The following DYNC2LI1 variants were observed in gnomAD, a reference collection of about 807,000 sequenced individuals.
DYNC2LI1 encodes dynein cytoplasmic 2 light intermediate chain 1.
A neutral mutation model predicts 51.9 loss-of-function variants in DYNC2LI1; 45 were observed. The observed-to-expected ratio is 0.87, with a 90% confidence interval of 0.68 to 1.11. The LOEUF (loss-of-function observed/expected upper bound fraction) is 1.11, where lower values mean the gene tolerates loss of function less well. DYNC2LI1 is among the 50% of genes most tolerant of loss of function. DYNC2LI1 has a pLI of 0.00. For missense variants in DYNC2LI1, 490 were observed against 417.4 expected (o/e 1.17, Z -1.51); for synonymous variants, 130 against 137.8 (o/e 0.94, Z 0.40).
Position 43,796,802 on chromosome 2 carries a change from A to G in DYNC2LI1, c.654+7A>G, listed in dbSNP as rs745553428. On this transcript the variant is annotated splice_region_variant and intron_variant, in intron 8 of 12. Coordinates refer to ENST00000260605, the MANE Select transcript of DYNC2LI1 (RefSeq NM_016008.4). ...TTATGGAGCATCATTAATGGTTTGT[A>G]CATTTCTTGTCCTTTGGGCTTGAAT... The G allele has an allele frequency of 1.9e-6, 3 of 1,612,128 alleles. No individual in the cohort carries two copies. The highest frequency in any genetic ancestry group is 1.7e-4 in the Middle Eastern group (1 of 6,060).
intron 5 of DYNC2LI1, chr2:43,793,998 C>T (rs1406617120): frequency 6.4e-6 from 1 of 155,078 alleles, no homozygotes; most frequent in East Asian, 1.9e-4. Flanking sequence ...ATAACATCTT[C>T]TGGAGAGGGT....
At chr2:43,807,349 T>C (rs915716440) in intron 12 of DYNC2LI1, among the ~76,000 whole-genome samples, 14 of 152,106 alleles carry the variant, frequency 9.2e-5, no homozygotes, top group African/African-American at 3.4e-4. Context: ...GTATTTTCTG[T>C]TTTTTAAAAG....
chr2:43,827,325 CA>C, the DYNC2LI1 span, among the ~76,000 whole-genome samples: 2,558 of 112,176 alleles, frequency 0.023, 75 homozygotes, highest in African/African-American at 0.072. Context: ...AACTCTGTCT[CA>C]AAAAAAAAAA....
intron 8 of DYNC2LI1, among the ~76,000 whole-genome samples, chr2:43,799,204 G>C (rs897360881): frequency 2.0e-5 from 3 of 152,132 alleles, no homozygotes; most frequent in Non-Finnish European, 2.9e-5. Context: ...AGGAGGCTGA[G>C]GCAGGGACGA....
the DYNC2LI1 span, among the ~76,000 whole-genome samples, chr2:43,819,699 T>A: frequency 6.6e-6 from 1 of 152,250 alleles, no homozygotes; most frequent in Non-Finnish European, 1.5e-5. Flanking sequence ...CATAAACTTG[T>A]TAGTTCCTGA....
At chr2:43,780,557 C>T (rs1038598536) in intron 2 of DYNC2LI1, among the ~76,000 whole-genome samples, 15 of 152,114 alleles carry the variant, frequency 9.9e-5, no homozygotes, top group African/African-American at 3.6e-4. Context: ...TAAATAGCTT[C>T]GTTTAACAAG....
chr2:43,781,466 C>T (rs577654539), intron 2 of DYNC2LI1, among the ~76,000 whole-genome samples: 1 of 151,874 alleles, frequency 6.6e-6, no homozygotes, highest in African/African-American at 2.4e-5. Flanking sequence ...ATTTAAAATT[C>T]CTTCCAATTC....
chr2:43,826,601 T>C, the DYNC2LI1 span: 2 of 1,599,196 alleles, frequency 1.3e-6, no homozygotes, highest in Non-Finnish European at 1.7e-6. Context: ...TCTGAACTGT[T>C]CCTTATTGAG....
chr2:43,810,323 AT>A, downstream of DYNC2LI1: 1 of 980,774 alleles, frequency 1.0e-6, no homozygotes, highest in Non-Finnish European at 1.2e-6. Flanking sequence ...ATCAGCACCA[AT>A]TTCACCCTGC....
At chr2:43,775,682 T>C in intron 1 of DYNC2LI1, 1 of 398,516 alleles carries the variant, frequency 2.5e-6, no homozygotes. Flanking sequence ...TCTTTTTCTT[T>C]TTTTATTTTC....
At chr2:43,786,853 A>C (rs1429266573) in intron 3 of DYNC2LI1, among the ~76,000 whole-genome samples, 3 of 151,968 alleles carry the variant, frequency 2.0e-5, no homozygotes, top group Admixed American at 6.6e-5. Flanking sequence ...ACAAAAAAAA[A>C]CACCCAGTGT....
downstream of DYNC2LI1, chr2:43,812,748 C>T: frequency 9.7e-6 from 2 of 205,566 alleles, no homozygotes; most frequent in South Asian, 8.9e-5. Context: ...TTTATTTTTG[C>T]CTAATCCTTT....
intron 12 of DYNC2LI1, 153 bp downstream of exon 12, chr2:43,805,399 C>T: frequency 2.1e-6 from 1 of 474,434 alleles, no homozygotes; most frequent in Admixed American, 3.8e-5. Context: ...TTAAATAACA[C>T]ACTAATAGTA....
downstream of DYNC2LI1, among the ~76,000 whole-genome samples, chr2:43,813,708 C>CCTTTTTTTT (rs1558715512): frequency 2.8e-5 from 1 of 35,374 alleles, no homozygotes. Context: ...TTTTTTTTTT[C>CCTTTTTTTT]GTTTTTTTTT....
At chr2:43,807,477 G>A (rs1049989123) in intron 12 of DYNC2LI1, among the ~76,000 whole-genome samples, 5 of 151,796 alleles carry the variant, frequency 3.3e-5, no homozygotes, top group African/African-American at 1.2e-4. Flanking sequence ...TCTTGCTCTG[G>A]CATCCAGGCT....
the DYNC2LI1 span, among the ~76,000 whole-genome samples, chr2:43,827,432 G>A: frequency 6.6e-6 from 1 of 152,078 alleles, no homozygotes; most frequent in African/African-American, 2.4e-5. Flanking sequence ...CTACCACAGT[G>A]CAAAGAAAGG....
intron 8 of DYNC2LI1, among the ~76,000 whole-genome samples, chr2:43,799,131 C>G (rs1184498771): frequency 4.6e-5 from 7 of 152,214 alleles, no homozygotes; most frequent in Middle Eastern, 3.4e-3. Context: ...GAGACCTTGT[C>G]TTGACAAAAA....
chr2:43,794,708 C>T (rs748843775), intron 6 of DYNC2LI1, 65 bp downstream of exon 6: 2 of 1,611,006 alleles, frequency 1.2e-6, no homozygotes, highest in East Asian at 2.2e-5. Context: ...GATAACATCA[C>T]AAACAACTTC....
downstream of DYNC2LI1, among the ~76,000 whole-genome samples, chr2:43,814,247 A>G (rs1253479420): frequency 6.6e-6 from 1 of 152,200 alleles, no homozygotes; most frequent in Non-Finnish European, 1.5e-5. Flanking sequence ...GTCATTTTCT[A>G]ACAACATCCA....
Sources: gnomAD v4.1 joint callset for allele counts (sites outside exome capture counted in the v4.1 genomes callset) on GRCh38, gnomAD v4.1.1 for gene constraint, MANE v1.5 for transcripts, NCBI Gene and HGNC (gene_info 2026-07-23, HGNC 2026-07-21) for gene names.